The following ANKS1B variants were observed in gnomAD, a reference collection of about 807,000 sequenced individuals.
The protein encoded by ANKS1B is ankyrin repeat and sterile alpha motif domain containing 1B, also known as ankyrin repeat and sterile alpha motif domain-containing protein 1B.
ANKS1B carries 36 observed loss-of-function variants against 148.3 expected under a neutral mutation model. The observed-to-expected ratio is 0.24, with a 90% CI of 0.19 to 0.32. The LOEUF (loss-of-function observed/expected upper bound fraction) is 0.32, where lower values mean the gene tolerates loss of function less well. Among genes scored for constraint, ANKS1B ranks in the 10% least tolerant of loss-of-function variants. The probability of loss-of-function intolerance (pLI) is 1.00; values close to 1 mark genes in which losing one functional copy is unlikely to be tolerated. For synonymous variants in ANKS1B, 542 were observed against 560.8 expected (o/e 0.97, Z 0.47); for missense variants, 1,157 against 1,542.6 (o/e 0.75, Z 4.19).
At chr12:99,533,626 T>C (rs928232196) in intron 9 of ANKS1B, among the ~76,000 whole-genome samples, 7 of 152,202 alleles carry the variant, frequency 4.6e-5, no homozygotes, top group African/African-American at 1.4e-4. Flanking sequence ...TCAGGGAGAA[T>C]GCTTTCAACT....
chr12:98,763,798 G>A (rs1488295946), intron 25 of ANKS1B, among the ~76,000 whole-genome samples: 1 of 152,138 alleles, frequency 6.6e-6, no homozygotes, highest in Non-Finnish European at 1.5e-5. Flanking sequence ...CTCATAGTTG[G>A]TCTTCGCATG....
chr12:99,603,376 G>A (rs1597918306), intron 9 of ANKS1B, among the ~76,000 whole-genome samples: 1 of 152,148 alleles, frequency 6.6e-6, no homozygotes, highest in Middle Eastern at 3.4e-3. Context: ...GAGGTTTCAG[G>A]GCTGTCAGAA....
In ANKS1B at chr12:98,773,280, G is replaced by A. The variant is rs1054418874; in HGVS notation, c.3442-101C>T. 2.1e-5 allele frequency: 30 copies of A among 1,399,494 alleles called. No homozygotes were observed. In the Admixed American group the frequency reaches 7.9e-4, roughly 37 times the overall value. 86.7% of individuals were successfully genotyped at this position (1,399,494 alleles called of 1,614,324 possible). ...GGAAGCAGTTGCTTTCCTTCTTTCT[G>A]GAGTGTTCTAGACTAGCAACACTCA... On this transcript the variant is annotated intron_variant, in intron 24 of 26. Transcript: ENST00000683438.
intron 23 of ANKS1B, among the ~76,000 whole-genome samples, chr12:98,781,680 G>A: frequency 6.6e-6 from 1 of 152,148 alleles, no homozygotes; most frequent in Non-Finnish European, 1.5e-5. Context: ...ATGCTTGGAT[G>A]TATACTTAAA....
chr12:99,733,809 C>T (rs368308912), intron 8 of ANKS1B, among the ~76,000 whole-genome samples: 15 of 152,294 alleles, frequency 9.8e-5, no homozygotes, highest in African/African-American at 3.6e-4. Context: ...TCTCCATAAA[C>T]CCTTTTCTTC....
chr12:99,287,121 G>T (rs553995610), intron 12 of ANKS1B, among the ~76,000 whole-genome samples: 13 of 152,270 alleles, frequency 8.5e-5, no homozygotes, highest in Non-Finnish European at 1.8e-4. Flanking sequence ...CTGGCTTCAG[G>T]TCTGACACAG....
chr12:99,772,816 T>TA (rs1393647178), intron 8 of ANKS1B, 106 bp downstream of exon 8: 3 of 1,181,130 alleles, frequency 2.5e-6, no homozygotes, highest in African/African-American at 3.1e-5. Context: ...ACTGACATCT[T>TA]AGAGTGGCGG....
intron 9 of ANKS1B, among the ~76,000 whole-genome samples, chr12:99,627,612 C>T (rs1333952058): frequency 6.6e-6 from 1 of 152,118 alleles, no homozygotes; most frequent in Non-Finnish European, 1.5e-5. Flanking sequence ...TACAATGACA[C>T]CAAAGGAAAC....
intron 24 of ANKS1B, among the ~76,000 whole-genome samples, chr12:98,777,829 C>T (rs776759037): frequency 2.6e-5 from 4 of 152,072 alleles, no homozygotes; most frequent in African/African-American, 4.8e-5. Context: ...AAATGCTTCA[C>T]GGAGGGTTAA....
At chr12:98,788,914 C>T (rs2098822040) in intron 22 of ANKS1B, among the ~76,000 whole-genome samples, 1 of 152,232 alleles carries the variant, frequency 6.6e-6, no homozygotes, top group Non-Finnish European at 1.5e-5. Flanking sequence ...CATTTAGCTA[C>T]AGCTCTTGGT....
chr12:99,155,149 A>T, intron 14 of ANKS1B: 1 of 1,471,562 alleles, frequency 6.8e-7, no homozygotes, highest in South Asian at 1.4e-5. Context: ...CGAAGCTTGA[A>T]CTATAGCTTA....
chr12:99,466,149 C>A (rs1443427403), intron 10 of ANKS1B, among the ~76,000 whole-genome samples: 1 of 152,166 alleles, frequency 6.6e-6, no homozygotes, highest in Non-Finnish European at 1.5e-5. Context: ...CAAAACCACT[C>A]AACTACATGG....
chr12:99,133,624 G>A (rs968104711), intron 15 of ANKS1B, among the ~76,000 whole-genome samples: 6 of 152,222 alleles, frequency 3.9e-5, no homozygotes, highest in South Asian at 2.1e-4. Context: ...AATGGTCCAC[G>A]AATATTTTTT....
At position 99,837,027 on chromosome 12, in the gene ANKS1B, C is replaced by T. The variant is rs567041053; in HGVS notation, c.135-11638G>A. On this transcript the variant is annotated intron_variant, in intron 1 of 26. Coordinates refer to ENST00000683438, the MANE Select transcript of ANKS1B (RefSeq NM_001352186.2). ...TAAGGTTGCAGATAGACTTACATTG[C>T]TAATCAGCTGGCTTTATCCCGGATT... is the stretch of plus-strand genomic sequence containing the variant. 8.0e-4 allele frequency among the ~76,000 whole-genome samples: 122 copies of T among 152,218 alleles called. 2 individuals carry two copies. Among genetic ancestry groups the T allele is most frequent in the African/African-American group, 2.5e-3 (105 of 41,538 alleles).
At chr12:99,181,611 G>T (rs929846098) in intron 14 of ANKS1B, among the ~76,000 whole-genome samples, 2 of 151,968 alleles carry the variant, frequency 1.3e-5, no homozygotes, top group African/African-American at 4.8e-5. Flanking sequence ...TTGTGAGTGG[G>T]AAAAACATTT....
At chr12:99,875,060 G>A (rs1385462015) in intron 1 of ANKS1B, among the ~76,000 whole-genome samples, 2 of 152,054 alleles carry the variant, frequency 1.3e-5, no homozygotes, top group Non-Finnish European at 2.9e-5. Context: ...GGGGGAGAGA[G>A]GCAGATGGAA....
intron 12 of ANKS1B, among the ~76,000 whole-genome samples, chr12:99,365,251 G>A (rs775627970): frequency 6.6e-6 from 1 of 152,182 alleles, no homozygotes; most frequent in Non-Finnish European, 1.5e-5. Flanking sequence ...GAGGCCCAAA[G>A]CTCAAGCCCA....
At chr12:99,111,111 T>A (rs1187187576) in intron 15 of ANKS1B, among the ~76,000 whole-genome samples, 2 of 152,224 alleles carry the variant, frequency 1.3e-5, no homozygotes, top group Non-Finnish European at 2.9e-5. Context: ...CCTCAGCACC[T>A]GGCATGGAGC....
intron 8 of ANKS1B, among the ~76,000 whole-genome samples, chr12:99,768,615 C>T (rs1190832172): frequency 6.6e-6 from 1 of 151,868 alleles, no homozygotes; most frequent in Non-Finnish European, 1.5e-5. Context: ...ATCACAAGGT[C>T]GGGAGATCGA....
Sources: allele counts gnomAD v4.1 joint callset (sites outside exome capture counted in the v4.1 genomes callset), GRCh38; gene constraint gnomAD v4.1.1; transcripts MANE v1.5; gene names NCBI Gene and HGNC (gene_info 2026-07-23, HGNC 2026-07-21).